Variants in LRRK1 observed in about 807,000 individuals in gnomAD.
LRRK1 encodes leucine rich repeat kinase 1.
LRRK1 carries 113 observed loss-of-function variants against 209.1 expected under a neutral mutation model. That is an observed-to-expected ratio of 0.54 (90% CI 0.46 to 0.63). LRRK1 has a LOEUF of 0.63. LRRK1 is among the 30% of genes least tolerant of loss of function. The pLI is 0.00. For missense variants in LRRK1, 2,284 were observed against 2,632.2 expected (o/e 0.87, Z 2.89); for synonymous variants, 1,144 against 1,099.7 (o/e 1.04, Z -0.80).
chr15:100,956,587 C>T (rs964592668), intron 2 of LRRK1, among the ~76,000 whole-genome samples: 14 of 151,532 alleles, frequency 9.2e-5, no homozygotes, highest in Non-Finnish European at 1.8e-4. Context: ...GCCTCAGCCT[C>T]CTGAGTAGCT....
At chr15:100,980,213 T>C (rs1191868078) in intron 3 of LRRK1, among the ~76,000 whole-genome samples, 1 of 151,488 alleles carries the variant, frequency 6.6e-6, no homozygotes, top group Non-Finnish European at 1.5e-5. Context: ...ATATATGGAG[T>C]ACTACTAAGC....
chr15:100,964,920 G>A (rs1018501046), intron 2 of LRRK1, among the ~76,000 whole-genome samples: 3 of 152,124 alleles, frequency 2.0e-5, no homozygotes, highest in African/African-American at 7.2e-5. Flanking sequence ...AGTACAAAGA[G>A]AATTTTATTC....
intron 12 of LRRK1, among the ~76,000 whole-genome samples, chr15:101,017,597 T>C (rs1435391757): frequency 6.6e-6 from 1 of 152,082 alleles, no homozygotes; most frequent in Non-Finnish European, 1.5e-5. Flanking sequence ...CGAACCCTAT[T>C]GTGAACCGCG....
chr15:100,967,606 A>T (rs1174742143), intron 2 of LRRK1, among the ~76,000 whole-genome samples: 2 of 151,382 alleles, frequency 1.3e-5, no homozygotes. Flanking sequence ...GTCATATGGC[A>T]AGCCATGCAT....
intron 6 of LRRK1, among the ~76,000 whole-genome samples, chr15:101,003,155 A>C (rs1567225420): frequency 1.3e-5 from 2 of 152,240 alleles, no homozygotes; most frequent in Non-Finnish European, 2.9e-5. Flanking sequence ...TTTTCAGACT[A>C]GCCCCAGACC....
chr15:101,066,073 A>G lies in LRRK1; in HGVS notation c.5636A>G (p.Asp1879Gly). 1 of 1,614,114 alleles carries G rather than the reference A, an allele frequency of 6.2e-7. No homozygotes were observed. Among genetic ancestry groups the G allele is most frequent in the Non-Finnish European group, 8.5e-7 (1 of 1,180,042 alleles). Residue 1879 changes from aspartate to glycine, a missense_variant, in exon 32 of 34, where the codon GAC (aspartate) becomes GGC (glycine). By Grantham distance (94) the Asp-to-Gly change is moderately conservative (BLOSUM62 -1). Around this residue, in one of 6 missense-constraint regions of LRRK1, gnomAD observed 643 missense variants for 695.9 expected, o/e 0.92. Coordinates refer to ENST00000388948, the MANE Select transcript of LRRK1 (RefSeq NM_024652.6). ...TTCTCCACCGACTGCGAGGACTCAG[A>G]CATGCTACATACGCCCGGTGCTGCC... The part of the protein sequence containing the change: ...VPFSTDCEDS[D>G]MLHTPGAASD...
chr15:101,045,992 C>T lies in LRRK1; in HGVS notation c.2975C>T (p.Pro992Leu), dbSNP rs1184817709. Reference protein sequence around the residue: ...LPVANDSYLLPHLLPSKPGLD... With the variant: ...LPVANDSYLLLHLLPSKPGLD... Reference sequence around the variant, plus strand: ...TTGGTGTGTTTCAGCTACCTCCTGCCCCATCTCCTTCCATCTAAACCTGGC... The same window carrying T: ...TTGGTGTGTTTCAGCTACCTCCTGCTCCATCTCCTTCCATCTAAACCTGGC... The change falls in exon 21 of 34, where the codon CCC (proline) becomes CTC (leucine). Residue 992 changes from proline (P) to leucine (L), a missense_variant. Physicochemically the swap from Pro to Leu is moderately conservative, Grantham distance 98 (BLOSUM62 -3). Transcript: ENST00000388948. 6.2e-7 allele frequency: 1 copy of T among 1,614,128 alleles called. No homozygotes were observed. Among genetic ancestry groups the T allele is most frequent in the Non-Finnish European group, 8.5e-7 (1 of 1,179,980 alleles).
At chr15:100,971,546 A>T (rs1329671919) in intron 2 of LRRK1, among the ~76,000 whole-genome samples, 3 of 151,988 alleles carry the variant, frequency 2.0e-5, no homozygotes, top group Non-Finnish European at 4.4e-5. Flanking sequence ...AAAAATGTAG[A>T]GGTGAATTTT....
At position 100,962,794 on chromosome 15, in the gene LRRK1, C is replaced by CAT. The variant is rs769399875; in HGVS notation, c.98-10981_98-10980dup. Among the ~76,000 whole-genome samples, 28 of 39,404 alleles carry CAT rather than the reference C, an allele frequency of 7.1e-4. 1 individual carries two copies. Among genetic ancestry groups the CAT allele is most frequent in the African/African-American group, 1.9e-3 (21 of 11,310 alleles). The allele number at this position is 39,404 out of a possible 152,430, so 25.9% of individuals were successfully genotyped here. A position where few individuals can be genotyped will look rare whatever the true frequency, so the allele number is the denominator to read the frequency against. On this transcript the variant is annotated intron_variant, in intron 2 of 33. Transcript: ENST00000388948. ...ACCTAGAATAAATTATTTCATTTTG[C>CAT]ATATATATATATATATATATATATA...
At chr15:101,046,179 A>T in intron 21 of LRRK1, 27 bp downstream of exon 21, 1 of 1,610,096 alleles carries the variant, frequency 6.2e-7, no homozygotes, top group Non-Finnish European at 8.5e-7. Context: ...TTCTGCATAG[A>T]CAGATGCCCG....
At chr15:100,974,350 A>G (rs7173805) in intron 3 of LRRK1, among the ~76,000 whole-genome samples, 27,975 of 152,192 alleles carry the variant, frequency 0.18, 2,884 homozygotes, top group African/African-American at 0.28. Flanking sequence ...ATGGGACAAA[A>G]AAGTTACCAA....
chr15:100,979,163 A>G lies in LRRK1; in HGVS notation c.262-4365A>G, dbSNP rs140129394. Among the ~76,000 whole-genome samples, 143 of 152,326 alleles carry G rather than the reference A, an allele frequency of 9.4e-4. 1 individual carries two copies. The highest frequency in any genetic ancestry group is 3.1e-3 in the African/African-American group (129 of 41,574). On this transcript the variant is annotated intron_variant, in intron 3 of 33. Transcript: ENST00000388948. ...GTTACCTTATCATATCAATTGATAC[A>G]GAAAAAAATTGACAAAATTCAATAC...
chr15:101,004,296 C>G (rs113918588), intron 6 of LRRK1, among the ~76,000 whole-genome samples: 1 of 152,162 alleles, frequency 6.6e-6, no homozygotes, highest in East Asian at 1.9e-4. Context: ...GGGGGGCTGT[C>G]AGGCTGCAAA....
chr15:100,968,562 G>T (rs997499013), intron 2 of LRRK1, among the ~76,000 whole-genome samples: 13 of 152,054 alleles, frequency 8.5e-5, no homozygotes, highest in African/African-American at 2.7e-4. Context: ...GTTTTAATTT[G>T]CATTTCCCTG....
At chr15:101,062,529 C>A in intron 30 of LRRK1, 45 bp from the exon 31 acceptor site, 2 of 1,352,408 alleles carry the variant, frequency 1.5e-6, no homozygotes, top group Non-Finnish European at 1.1e-6. Flanking sequence ...AAATGCCAGA[C>A]ACTTTCCAGC....
intron 12 of LRRK1, among the ~76,000 whole-genome samples, chr15:101,020,156 C>G (rs1224587894): frequency 6.6e-6 from 1 of 152,082 alleles, no homozygotes; most frequent in Non-Finnish European, 1.5e-5. Flanking sequence ...ATATTCAGTC[C>G]TCTAGTAATT....
In LRRK1 at chr15:101,027,578, C is replaced by A. The variant is rs942686301; in HGVS notation, c.2527-60C>A. On this transcript the variant is annotated intron_variant, in intron 18 of 33. Transcript: ENST00000388948. This position sits in a 1 kb window ranked among gnomAD's most constrained non-coding sequence, Gnocchi z 5.1. ...GCCACAGGGGCCGGGCAGGATCTGC[C>A]CAAGCTGGCAGGTGTGCCTTGGGAC... The A allele has an allele frequency of 3.7e-5, 58 of 1,581,928 alleles. No individual in the cohort carries two copies. The African/African-American group carries it at 7.4e-4, about 20-fold the overall frequency.
At chr15:101,025,104 C>G in intron 16 of LRRK1, 137 bp downstream of exon 16, 1 of 806,588 alleles carries the variant, frequency 1.2e-6, no homozygotes, top group Admixed American at 2.8e-5. Flanking sequence ...CGTGGTCCTG[C>G]TTGCTTTTCA....
intron 12 of LRRK1, among the ~76,000 whole-genome samples, 155 bp from the exon 13 acceptor site, chr15:101,020,898 G>A (rs919073247): frequency 6.6e-6 from 1 of 152,226 alleles, no homozygotes; most frequent in Non-Finnish European, 1.5e-5. Flanking sequence ...TCTGTAGAAT[G>A]AGAATTGCTA....
Sources: gnomAD v4.1 joint callset for allele counts (sites outside exome capture counted in the v4.1 genomes callset) on GRCh38, gnomAD v4.1.1 for gene constraint, gnomAD v4.1.1 regional missense constraint, Gnocchi (gnomAD v3.1) non-coding constraint, MANE v1.5 for transcripts, NCBI Gene and HGNC (gene_info 2026-07-23, HGNC 2026-07-21) for gene names.